The following PTPRD variants were observed in gnomAD, a reference collection of about 807,000 sequenced individuals.
The protein encoded by PTPRD is receptor-type tyrosine-protein phosphatase delta.
In PTPRD, 34 loss-of-function variants were observed where a neutral mutation model predicts 214.5. The observed-to-expected ratio is 0.16, with a 90% CI of 0.12 to 0.21. The LOEUF (loss-of-function observed/expected upper bound fraction) is 0.21. PTPRD is among the 10% of genes least tolerant of loss of function. PTPRD has a pLI of 1.00. For synonymous variants in PTPRD, 1,128 were observed against 845.7 expected (o/e 1.33, Z -5.79); for missense variants, 2,545 against 2,398.7 (o/e 1.06, Z -1.27).
chr9:8,496,234 T>TTTCACTTA (rs1295004341), intron 26 of PTPRD, among the ~76,000 whole-genome samples: 4 of 149,694 alleles, frequency 2.7e-5, no homozygotes, highest in African/African-American at 5.0e-5. Flanking sequence ...ACACACACTT[T>TTTCACTTA]TTCACTTATT....
chr9:10,578,156 T>G (rs900648413), intron 2 of PTPRD, among the ~76,000 whole-genome samples: 1 of 151,986 alleles, frequency 6.6e-6, no homozygotes, highest in Admixed American at 6.6e-5. Flanking sequence ...GTGATCCACC[T>G]GCCTCGGCCT....
intron 9 of PTPRD, among the ~76,000 whole-genome samples, chr9:9,194,781 T>C (rs1371604667): frequency 1.3e-5 from 2 of 152,108 alleles, no homozygotes; most frequent in Non-Finnish European, 2.9e-5. Flanking sequence ...TATCTCTTAA[T>C]ATTGTAAACA....
At position 9,935,075 on chromosome 9, in the gene PTPRD, C is replaced by G. The variant is rs184828306; in HGVS notation, c.-368+3432G>C. 6.2e-3 allele frequency among the ~76,000 whole-genome samples: 939 copies of G among 152,184 alleles called. 4 individuals are homozygous for G. Among genetic ancestry groups the G allele is most frequent in the African/African-American group, 0.021 (872 of 41,512 alleles). On this transcript the variant is annotated intron_variant, in intron 5 of 45. Coordinates refer to ENST00000381196, the MANE Select transcript of PTPRD (RefSeq NM_002839.4). Reference sequence around the variant, plus strand: ...AATTAGGTATTGATGGGATGTATTTCAAAATAATAAGAGCTCTCTATGACA... The same window carrying G: ...AATTAGGTATTGATGGGATGTATTTGAAAATAATAAGAGCTCTCTATGACA...
At chr9:8,883,868 C>A (rs530707603) in intron 11 of PTPRD, among the ~76,000 whole-genome samples, 36 of 152,230 alleles carry the variant, frequency 2.4e-4, no homozygotes, top group African/African-American at 8.7e-4. Context: ...AAAGGCAGAG[C>A]AAAATATCTG....
intron 3 of PTPRD, among the ~76,000 whole-genome samples, chr9:10,156,437 T>A (rs1172659038): frequency 6.6e-6 from 1 of 152,190 alleles, no homozygotes; most frequent in Non-Finnish European, 1.5e-5. Flanking sequence ...TATGTAACTA[T>A]GAGGTTTTCA....
intron 3 of PTPRD, among the ~76,000 whole-genome samples, chr9:10,035,282 G>A (rs2097158901): frequency 1.3e-5 from 2 of 151,388 alleles, no homozygotes; most frequent in Admixed American, 1.3e-4. Context: ...CTTTTTAATG[G>A]GGTATTTTTT....
At chr9:10,318,256 A>T (rs963690571) in intron 3 of PTPRD, among the ~76,000 whole-genome samples, 1 of 152,038 alleles carries the variant, frequency 6.6e-6, no homozygotes, top group Non-Finnish European at 1.5e-5. Flanking sequence ...AATTTTTCTC[A>T]CATAACAAGA....
chr9:10,510,548 T>C (rs1474335293), intron 2 of PTPRD, among the ~76,000 whole-genome samples: 1 of 152,142 alleles, frequency 6.6e-6, no homozygotes. Flanking sequence ...TTTGTTTGCT[T>C]TGCTTTTTGT....
chr9:8,317,695 T>G lies in PTPRD; in HGVS notation c.*179A>C. 1 of 508,572 alleles carries G rather than the reference T, an allele frequency of 2.0e-6. No homozygotes were observed. Among genetic ancestry groups the G allele is most frequent in the East Asian group, 2.8e-5 (1 of 35,408 alleles). The allele number at this position is 508,572 out of a possible 1,614,324, so 31.5% of individuals were successfully genotyped here. On this transcript the variant is annotated 3_prime_UTR_variant, in exon 46 of 46. Transcript: ENST00000381196. ...TATTTTTCAGGTTAGATTATTAAAC[T>G]GTGAATTCTTGGTCCACCTGGAATA...
At chr9:10,150,523 A>C (rs368154997) in intron 3 of PTPRD, among the ~76,000 whole-genome samples, 1 of 151,762 alleles carries the variant, frequency 6.6e-6, no homozygotes, top group Non-Finnish European at 1.5e-5. Context: ...GGGCAGGAGG[A>C]GGGGGGAGGG....
At chr9:9,651,317 G>C (rs913305520) in intron 7 of PTPRD, among the ~76,000 whole-genome samples, 1 of 152,074 alleles carries the variant, frequency 6.6e-6, no homozygotes, top group Non-Finnish European at 1.5e-5. Context: ...TTGAGGGTTT[G>C]TTTTATAGAT....
At chr9:10,464,223 C>T (rs1016360868) in intron 2 of PTPRD, among the ~76,000 whole-genome samples, 3 of 151,926 alleles carry the variant, frequency 2.0e-5, no homozygotes, top group African/African-American at 4.8e-5. Context: ...CATGGTGAAA[C>T]CCCATCTCTA....
chr9:10,190,198 C>T (rs1336822361), intron 3 of PTPRD, among the ~76,000 whole-genome samples: 3 of 151,204 alleles, frequency 2.0e-5, no homozygotes, highest in South Asian at 2.1e-4. Context: ...GAAACCTCGT[C>T]TCTACTAAAA....
chr9:9,343,065 T>A (rs2047434184), intron 9 of PTPRD, among the ~76,000 whole-genome samples: 1 of 152,138 alleles, frequency 6.6e-6, no homozygotes, highest in African/African-American at 2.4e-5. Flanking sequence ...CATGAACTCA[T>A]CCTTTTTTAT....
chr9:8,973,165 G>T (rs1433495454), intron 11 of PTPRD, among the ~76,000 whole-genome samples: 1 of 151,950 alleles, frequency 6.6e-6, no homozygotes, highest in Non-Finnish European at 1.5e-5. Flanking sequence ...ATTGGACCCA[G>T]GGTGTGAGCA....
chr9:9,906,066 G>C (rs2077494824), intron 5 of PTPRD, among the ~76,000 whole-genome samples: 1 of 151,898 alleles, frequency 6.6e-6, no homozygotes, highest in Non-Finnish European at 1.5e-5. Context: ...ACACAGAATA[G>C]AAAAAATACA....
At chr9:9,597,880 C>T (rs563859216) in intron 7 of PTPRD, among the ~76,000 whole-genome samples, 36 of 152,046 alleles carry the variant, frequency 2.4e-4, no homozygotes, top group African/African-American at 2.4e-4. Flanking sequence ...CCTAAATAAG[C>T]AGTGTTGATA....
At position 9,373,618 on chromosome 9, in the gene PTPRD, C is replaced by T. The variant is rs372530868; in HGVS notation, c.-203+23831G>A. 1.2e-4 allele frequency among the ~76,000 whole-genome samples: 19 copies of T among 152,244 alleles called. 1 individual carries two copies. The East Asian group carries it at 3.3e-3, about 26-fold the overall frequency. On this transcript the variant is annotated intron_variant, in intron 9 of 45. Coordinates refer to ENST00000381196, the MANE Select transcript of PTPRD (RefSeq NM_002839.4). ...ACTTATGGTCACCTCACTCCAATCT[C>T]TGATTCTGCCAGCACATTGCCTTCT...
At chr9:9,788,263 G>A (rs1290606503) in intron 5 of PTPRD, among the ~76,000 whole-genome samples, 1 of 151,636 alleles carries the variant, frequency 6.6e-6, no homozygotes, top group African/African-American at 2.4e-5. Context: ...TATAAAAATA[G>A]CTCTCTGGCC....
Sources: allele counts gnomAD v4.1 joint callset (sites outside exome capture counted in the v4.1 genomes callset), GRCh38; gene constraint gnomAD v4.1.1; transcripts MANE v1.5; gene names NCBI Gene and HGNC (gene_info 2026-07-23, HGNC 2026-07-21).